Variants in TENM2 observed in about 807,000 individuals in gnomAD.
TENM2 encodes the protein teneurin-2.
In TENM2, 52 loss-of-function variants were observed where a neutral mutation model predicts 245.2. The ratio of observed to expected loss-of-function variants is 0.21; its 90% CI spans 0.17 to 0.27. The LOEUF (loss-of-function observed/expected upper bound fraction) is 0.27. Among genes scored for constraint, TENM2 ranks in the 10% least tolerant of loss-of-function variants. The pLI, the probability that TENM2 is intolerant of heterozygous loss-of-function variation, is 1.00. For missense variants in TENM2, 3,046 were observed against 3,666.8 expected, an observed-to-expected ratio of 0.83 and a Z score of 4.37; for synonymous variants, 1,363 against 1,438.9, an observed-to-expected ratio of 0.95 and a Z score of 1.19.
intron 2 of TENM2, among the ~76,000 whole-genome samples, chr5:167,854,485 AT>A (rs1770887670): frequency 6.6e-6 from 1 of 152,224 alleles, no homozygotes; most frequent in South Asian, 2.1e-4. Flanking sequence ...ATTAAATCTC[AT>A]TAAGTCAGCT....
intron 2 of TENM2, among the ~76,000 whole-genome samples, chr5:167,397,505 C>T (rs11750022): frequency 0.15 from 22,788 of 151,888 alleles, 1,897 homozygotes; most frequent in Non-Finnish European, 0.19. Context: ...ATTGAGTATG[C>T]GTGTGTCCAT....
Position 168,161,906 on chromosome 5 carries a change from G to A in TENM2, c.2423-705G>A, listed in dbSNP as rs572161687. 9.2e-5 allele frequency among the ~76,000 whole-genome samples: 14 copies of A among 151,770 alleles called. No homozygotes were observed. In the South Asian group the frequency reaches 2.5e-3, roughly 27 times the overall value. On this transcript the variant is annotated intron_variant, in intron 12 of 28. Coordinates refer to ENST00000518659, the Ensembl canonical transcript of TENM2. ...CTCCTACCCCACCACCCTTCCCCGA[G>A]CACATATATTTTTTCTTCTATCTTT...
At position 168,260,832 on chromosome 5, in the gene TENM2, G is replaced by A. The variant is rs755524277; in HGVS notation, c.7563+419G>A. 5.9e-5 allele frequency among the ~76,000 whole-genome samples: 9 copies of A among 152,228 alleles called. No individual in the cohort carries two copies. In the South Asian group the frequency reaches 8.3e-4, roughly 14 times the overall value. The stretch of plus-strand genomic sequence containing the variant: ...TTTATGCCCCACATAAAACCTCGGC[G>A]CTTTATGGCCAAGCATATACAGATT... On this transcript the variant is annotated intron_variant, in intron 28 of 28. Transcript: ENST00000518659.
intron 2 of TENM2, among the ~76,000 whole-genome samples, chr5:167,603,328 C>T (rs1286710826): frequency 6.6e-6 from 1 of 152,112 alleles, no homozygotes; most frequent in Non-Finnish European, 1.5e-5. Flanking sequence ...TTCCAGATAT[C>T]ACAGACCATT....
chr5:167,877,083 A>C (rs1773486654), intron 3 of TENM2, among the ~76,000 whole-genome samples: 1 of 152,158 alleles, frequency 6.6e-6, no homozygotes, highest in Admixed American at 6.5e-5. Flanking sequence ...CATTTGCAAA[A>C]ATTAATTACT....
At chr5:167,690,740 T>A (rs1008850764) in intron 2 of TENM2, among the ~76,000 whole-genome samples, 2 of 152,184 alleles carry the variant, frequency 1.3e-5, no homozygotes, top group Non-Finnish European at 2.9e-5. Flanking sequence ...TTAAAATAAT[T>A]CCTCCTTGCA....
intron 15 of TENM2, among the ~76,000 whole-genome samples, chr5:168,198,356 T>C (rs1412245241): frequency 6.6e-6 from 1 of 151,964 alleles, no homozygotes; most frequent in Admixed American, 6.6e-5. Context: ...CCACCATGCC[T>C]GGCTAATTTT....
chr5:167,494,305 GT>G (rs1768640744), intron 2 of TENM2, among the ~76,000 whole-genome samples: 1 of 151,994 alleles, frequency 6.6e-6, no homozygotes, highest in Non-Finnish European at 1.5e-5. Context: ...AAGAAAAGGT[GT>G]AAAAAAAAAC....
intron 3 of TENM2, among the ~76,000 whole-genome samples, chr5:167,945,588 G>A (rs1037798005): frequency 2.0e-5 from 3 of 152,188 alleles, no homozygotes; most frequent in African/African-American, 7.2e-5. Context: ...CGTAGGCAGA[G>A]CGGAGGAAAA....
chr5:167,403,262 T>A (rs1487571632), intron 2 of TENM2, among the ~76,000 whole-genome samples: 2 of 151,990 alleles, frequency 1.3e-5, no homozygotes, highest in East Asian at 3.9e-4. Context: ...TTCTCAAAAA[T>A]GCTTTTTGGG....
chr5:167,148,776 T>C, the TENM2 span, among the ~76,000 whole-genome samples: 1 of 152,226 alleles, frequency 6.6e-6, no homozygotes, highest in African/African-American at 2.4e-5. Flanking sequence ...TTGTCCATTT[T>C]GTCTGCTAAT....
chr5:167,027,779 TA>T, the TENM2 span, among the ~76,000 whole-genome samples: 1 of 152,150 alleles, frequency 6.6e-6, no homozygotes, highest in Non-Finnish European at 1.5e-5. Flanking sequence ...GATATCCATA[TA>T]AAATTTTACA....
intron 2 of TENM2, among the ~76,000 whole-genome samples, chr5:167,513,590 G>C (rs1391821078): frequency 6.6e-6 from 1 of 152,134 alleles, no homozygotes; most frequent in African/African-American, 2.4e-5. Context: ...CCATTTGCAG[G>C]ATCCGCTGGA....
Position 167,929,085 on chromosome 5 carries a change from G to T in TENM2, c.713-23503G>T, listed in dbSNP as rs1274281822. ...AGAAAGAAAGAAAGAAAGAAAGAAA[G>T]AAAGAAAGAAAGAAAGAAAGAAAGA... On this transcript the variant is annotated intron_variant, in intron 3 of 28. Transcript: ENST00000518659. Among the ~76,000 whole-genome samples the T allele has an allele frequency of 1.9e-4, 15 of 77,174 alleles. No individual in the cohort carries two copies. The East Asian group carries it at 5.2e-3, about 27-fold the overall frequency. 50.6% of individuals were successfully genotyped at this position (77,174 alleles called of 152,430 possible).
chr5:167,254,682 T>A, the TENM2 span, among the ~76,000 whole-genome samples: 1 of 152,144 alleles, frequency 6.6e-6, no homozygotes. Flanking sequence ...ATGACTGCTA[T>A]GACATAATAA....
chr5:167,289,104 C>T lies in TENM2; in HGVS notation c.226+4041C>T, dbSNP rs76585541. ...TCCTGACTCTCCAGAAGCATTCCTGCCTACAATACCTCTCTACCAACCACC... is the reference window on the plus strand; with the variant it reads ...TCCTGACTCTCCAGAAGCATTCCTGTCTACAATACCTCTCTACCAACCACC... On this transcript the variant is annotated intron_variant, in intron 1 of 28. Coordinates refer to ENST00000518659, the Ensembl canonical transcript of TENM2. Among the ~76,000 whole-genome samples the T allele has an allele frequency of 4.7e-3, 711 of 152,302 alleles. 2 individuals carry two copies. The highest frequency in any genetic ancestry group is 0.016 in the African/African-American group (665 of 41,574).
chr5:168,226,207 A>G, exon 24 of TENM2: 5 of 1,613,628 alleles, frequency 3.1e-6, no homozygotes, highest in Non-Finnish European at 4.2e-6. Flanking sequence ...CGTGATGATG[A>G]CGTCACTGTC....
At chr5:167,333,862 G>A (rs1757601969) in intron 1 of TENM2, among the ~76,000 whole-genome samples, 1 of 152,094 alleles carries the variant, frequency 6.6e-6, no homozygotes, top group African/African-American at 2.4e-5. Flanking sequence ...TGGGTACCTT[G>A]GCTTCACTCT....
At chr5:167,509,695 C>A (rs955914136) in intron 2 of TENM2, among the ~76,000 whole-genome samples, 1 of 152,188 alleles carries the variant, frequency 6.6e-6, no homozygotes. Context: ...TGACTGAGCA[C>A]TTACCATGTG....
Sources: gnomAD v4.1 joint callset for allele counts (sites outside exome capture counted in the v4.1 genomes callset) on GRCh38, gnomAD v4.1.1 for gene constraint, MANE v1.5 for transcripts, NCBI Gene and HGNC (gene_info 2026-07-23, HGNC 2026-07-21) for gene names.